PCDH7: variants seen among roughly 807,000 people sequenced by gnomAD.
The protein encoded by PCDH7 is protocadherin 7.
Under a neutral mutation model 58.9 loss-of-function variants are expected in PCDH7, and 17 were observed. That is an observed-to-expected ratio of 0.29 (90% CI 0.20 to 0.43). The LOEUF is 0.43. PCDH7 is among the 20% of genes least tolerant of loss of function. PCDH7 has a pLI of 1.00. For missense variants in PCDH7, 1,274 were observed against 1,441.0 expected, an observed-to-expected ratio of 0.88 and a Z score of 1.88; for synonymous variants, 664 against 616.4, an observed-to-expected ratio of 1.08 and a Z score of -1.14.
intron 3 of PCDH7, among the ~76,000 whole-genome samples, chr4:30,997,933 A>G (rs1193813624): frequency 6.6e-6 from 1 of 152,050 alleles, no homozygotes; most frequent in Non-Finnish European, 1.5e-5. Flanking sequence ...AGGCTTCAGC[A>G]AATAAAAATA....
chr4:30,723,722 T>C lies in PCDH7; in HGVS notation c.2300T>C (p.Leu767Ser). 2 of 1,614,206 alleles carry C rather than the reference T, an allele frequency of 1.2e-6. No individual in the cohort carries two copies. The highest frequency in any genetic ancestry group is 8.5e-7 in the Non-Finnish European group (1 of 1,180,038). Residue 767 changes from leucine (L) to serine (S), a missense_variant, in exon 1 of 2, where the codon TTG becomes TCG. Physicochemically the swap from Leu to Ser is moderately radical, Grantham distance 145. This residue lies in a region of PCDH7 where 731 missense variants were observed against 881.9 expected (regional missense o/e 0.83). Transcript: ENST00000361762. The surrounding 1 kb of genome is among the most constrained non-coding windows in gnomAD (Gnocchi z 4.6). Reference sequence around the variant, plus strand: ...GTCAGGACAGTAGTAGCTACAGTGTTGGCAACAGACAGTGATGATGGCATC... The same window carrying C: ...GTCAGGACAGTAGTAGCTACAGTGTCGGCAACAGACAGTGATGATGGCATC...
intron 3 of PCDH7, among the ~76,000 whole-genome samples, chr4:31,072,233 A>G (rs1386239029): frequency 6.6e-6 from 1 of 152,092 alleles, no homozygotes; most frequent in African/African-American, 2.4e-5. Context: ...TTAAATGCAT[A>G]CAGGAAAAGA....
chr4:30,986,784 G>A (rs1751005621), intron 3 of PCDH7, among the ~76,000 whole-genome samples: 1 of 152,004 alleles, frequency 6.6e-6, no homozygotes, highest in East Asian at 1.9e-4. Context: ...AGATTGAGAC[G>A]ATCCTGGTCA....
chr4:30,772,982 A>T (rs1721607596), intron 1 of PCDH7, among the ~76,000 whole-genome samples: 1 of 152,128 alleles, frequency 6.6e-6, no homozygotes, highest in Admixed American at 6.5e-5. Flanking sequence ...GCTCACTGCA[A>T]CCTCTGTCTC....
chr4:31,003,838 A>G (rs985448404), intron 3 of PCDH7, among the ~76,000 whole-genome samples: 1 of 152,094 alleles, frequency 6.6e-6, no homozygotes, highest in Non-Finnish European at 1.5e-5. Context: ...AACCCGAAAA[A>G]AAAAGGTTCT....
intron 3 of PCDH7, among the ~76,000 whole-genome samples, chr4:31,088,716 A>T (rs1238011093): frequency 2.0e-5 from 3 of 151,940 alleles, no homozygotes; most frequent in Non-Finnish European, 4.4e-5. Flanking sequence ...TTGTTTTTTT[A>T]AAAATGTCAA....
intron 3 of PCDH7, among the ~76,000 whole-genome samples, chr4:31,140,321 C>T (rs1720091633): frequency 6.6e-6 from 1 of 151,992 alleles, no homozygotes; most frequent in South Asian, 2.1e-4. Context: ...AGTGAAATGA[C>T]ATATTGTGTG....
At chr4:30,964,715 C>T (rs1250055002) in intron 3 of PCDH7, among the ~76,000 whole-genome samples, 2 of 151,484 alleles carry the variant, frequency 1.3e-5, no homozygotes, top group Non-Finnish European at 2.9e-5. Flanking sequence ...GAAGTACTGG[C>T]ACGTAATAGA....
intron 3 of PCDH7, among the ~76,000 whole-genome samples, chr4:30,977,904 A>G (rs1234810485): frequency 5.3e-5 from 8 of 152,200 alleles, no homozygotes; most frequent in African/African-American, 1.7e-4. Context: ...ATTTGGTATT[A>G]AAATAACGTG....
intron 3 of PCDH7, among the ~76,000 whole-genome samples, chr4:31,007,891 T>C (rs1039704248): frequency 6.6e-5 from 10 of 152,178 alleles, no homozygotes; most frequent in Admixed American, 1.3e-4. Flanking sequence ...CAGAATCAGC[T>C]TTCTTTTCTT....
chr4:31,099,801 C>G (rs1192379274), intron 3 of PCDH7, among the ~76,000 whole-genome samples: 1 of 152,032 alleles, frequency 6.6e-6, no homozygotes, highest in Non-Finnish European at 1.5e-5. Context: ...CCGAAATATA[C>G]ATACATATAT....
intron 3 of PCDH7, among the ~76,000 whole-genome samples, chr4:30,952,576 G>A (rs1747467962): frequency 6.6e-6 from 1 of 151,910 alleles, no homozygotes; most frequent in Non-Finnish European, 1.5e-5. Flanking sequence ...GACACTGAAA[G>A]GATGTTAAAA....
At chr4:30,876,885 C>A (rs1401648709) in intron 1 of PCDH7, among the ~76,000 whole-genome samples, 2 of 151,980 alleles carry the variant, frequency 1.3e-5, no homozygotes, top group African/African-American at 4.8e-5. Flanking sequence ...AGGTATTTGT[C>A]CTAATGCTCT....
intron 1 of PCDH7, among the ~76,000 whole-genome samples, chr4:30,819,634 G>A (rs1243158455): frequency 6.6e-6 from 1 of 152,120 alleles, no homozygotes; most frequent in African/African-American, 2.4e-5. Flanking sequence ...ATAGTCTCTT[G>A]AATAACTAAG....
chr4:31,103,685 A>T (rs142574798), intron 3 of PCDH7, among the ~76,000 whole-genome samples: 2 of 152,062 alleles, frequency 1.3e-5, no homozygotes, highest in Non-Finnish European at 2.9e-5. Context: ...GCTGACTGTC[A>T]CCACTGTCTT....
intron 1 of PCDH7, among the ~76,000 whole-genome samples, chr4:30,772,301 G>A (rs778799886): frequency 1.3e-5 from 2 of 152,204 alleles, no homozygotes; most frequent in Non-Finnish European, 1.5e-5. Context: ...AGAAATCAGC[G>A]GAAGACATTT....
At chr4:31,081,540 C>T (rs980102040) in intron 3 of PCDH7, among the ~76,000 whole-genome samples, 2 of 152,134 alleles carry the variant, frequency 1.3e-5, no homozygotes, top group Non-Finnish European at 2.9e-5. Context: ...TGAGATGCCT[C>T]TACAATGATT....
intron 3 of PCDH7, among the ~76,000 whole-genome samples, chr4:30,995,196 T>C (rs544539555): frequency 1.3e-5 from 2 of 152,220 alleles, no homozygotes; most frequent in African/African-American, 4.8e-5. Flanking sequence ...TGCTGACAGT[T>C]TATACAAATA....
At chr4:30,824,084 TTTCTTTCTTTCTTTCTTTCTTTC>T (rs1728728702) in intron 1 of PCDH7, among the ~76,000 whole-genome samples, 2 of 8,732 alleles carry the variant, frequency 2.3e-4, no homozygotes, top group Non-Finnish European at 4.2e-4. Context: ...GTTTCTTTTC[TTTCTTTCTTTCTTTCTTTCTTTC>T]TTTCTTTCTT....
Sources: allele counts gnomAD v4.1 joint callset (sites outside exome capture counted in the v4.1 genomes callset), GRCh38; gene constraint gnomAD v4.1.1; regional missense constraint gnomAD v4.1.1; non-coding constraint Gnocchi (gnomAD v3.1); transcripts MANE v1.5; gene names NCBI Gene and HGNC (gene_info 2026-07-23, HGNC 2026-07-21).